Variants in PSMA2 observed in about 807,000 individuals in gnomAD.
PSMA2 encodes the protein proteasome subunit alpha type-2.
A neutral mutation model predicts 35.9 loss-of-function variants in PSMA2; 2 were observed. That is an observed-to-expected ratio of 0.06 (90% CI 0.02 to 0.18). PSMA2 has a LOEUF of 0.18. Among genes scored for constraint, PSMA2 ranks in the 10% least tolerant of loss-of-function variants. The probability of loss-of-function intolerance (pLI) is 1.00; values close to 1 mark genes in which losing one functional copy is unlikely to be tolerated. For synonymous variants in PSMA2, 97 were observed against 98.2 expected, an observed-to-expected ratio of 0.99 and a Z score of 0.07; for missense variants, 126 against 278.8, an observed-to-expected ratio of 0.45 and a Z score of 3.90.
At position 42,917,577 on chromosome 7, in the gene PSMA2, T is replaced by C. The variant is rs1230382993; in HGVS notation, c.702A>G (p.Ala234=). ...TEVKDYLAAI[A] Reference sequence around the variant, plus strand: ...GGATTTTTCAGTCACTTCATTGTTATGCTATGGCAGCCAAGTAATCCTTAA... The same window carrying C: ...GGATTTTTCAGTCACTTCATTGTTACGCTATGGCAGCCAAGTAATCCTTAA... The change falls in exon 8 of 8, where the codon GCA becomes GCG. Residue 234 remains alanine, a synonymous_variant. Transcript: ENST00000223321. 2.6e-5 allele frequency: 42 copies of C among 1,609,316 alleles called. No homozygotes were observed. The highest frequency in any genetic ancestry group is 3.4e-5 in the Non-Finnish European group (40 of 1,177,338).
intron 6 of PSMA2, chr7:42,919,659 C>T: frequency 1.8e-6 from 1 of 569,108 alleles, no homozygotes; most frequent in South Asian, 1.6e-5. Flanking sequence ...ATGGCTGATC[C>T]AGTGCTTTTG....
chr7:42,922,806 T>G (rs1786145829), intron 5 of PSMA2, among the ~76,000 whole-genome samples: 1 of 152,238 alleles, frequency 6.6e-6, no homozygotes, highest in Admixed American at 6.5e-5. Flanking sequence ...GGGACAGATG[T>G]GGAGTAGTAT....
chr7:42,930,581 T>C (rs896712492), intron 1 of PSMA2, among the ~76,000 whole-genome samples: 2 of 152,094 alleles, frequency 1.3e-5, no homozygotes, highest in Non-Finnish European at 2.9e-5. Flanking sequence ...GAAAATTTGT[T>C]ATAAAAAGAT....
intron 3 of PSMA2, 27 bp from the exon 4 acceptor site, chr7:42,924,824 T>C (rs757819854): frequency 1.1e-5 from 18 of 1,595,826 alleles, no homozygotes; most frequent in Non-Finnish European, 1.5e-5. Context: ...AAGATTTAAT[T>C]ACACAGAACA....
chr7:42,926,159 T>C (rs537800020), intron 3 of PSMA2, among the ~76,000 whole-genome samples: 28 of 152,360 alleles, frequency 1.8e-4, no homozygotes, highest in African/African-American at 6.3e-4. Flanking sequence ...TGTTGCCTCA[T>C]ACTTTTTAAA....
chr7:42,922,331 C>T (rs573153541), intron 5 of PSMA2, among the ~76,000 whole-genome samples: 5 of 151,948 alleles, frequency 3.3e-5, no homozygotes, highest in East Asian at 1.9e-4. Context: ...TAGACTGAAG[C>T]GATTTAAAAA....
In PSMA2 at chr7:42,925,287, T is replaced by C. The variant is rs79776993; in HGVS notation, c.252-490A>G. Among the ~76,000 whole-genome samples the C allele has an allele frequency of 5.9e-5, 9 of 152,302 alleles. No homozygotes were observed. The East Asian group carries it at 1.7e-3, about 29-fold the overall frequency. On this transcript the variant is annotated intron_variant, in intron 3 of 7. Coordinates refer to ENST00000223321, the MANE Select transcript of PSMA2 (RefSeq NM_002787.5). ...ACTACTTGTAACTAAAAATGTAAAA[T>C]TCGGCTAGGTGCAGTGTTTCACGCC... is the stretch of plus-strand genomic sequence containing the variant.
At chr7:42,919,093 GGATTACAGGCGT>G (rs1786084029) in intron 6 of PSMA2, 4 of 358,456 alleles carry the variant, frequency 1.1e-5, no homozygotes, top group Non-Finnish European at 2.2e-5. Flanking sequence ...CAAAGTGCTG[GGATTACAGGCGT>G]GAGCCACTGC....
intron 1 of PSMA2, among the ~76,000 whole-genome samples, chr7:42,930,242 CACACA>C: frequency 6.6e-6 from 1 of 151,002 alleles, no homozygotes; most frequent in South Asian, 2.1e-4. Flanking sequence ...CACACACACA[CACACA>C]CAAGTTTGGT....
chr7:42,923,655 A>C (rs183222046), intron 4 of PSMA2, among the ~76,000 whole-genome samples: 79 of 152,392 alleles, frequency 5.2e-4, no homozygotes, highest in Admixed American at 2.1e-3. Context: ...ACTGGGGTTA[A>C]TAAGTGTGTA....
chr7:42,921,712 A>G (rs986573549), intron 6 of PSMA2, 146 bp downstream of exon 6: 2 of 482,404 alleles, frequency 4.1e-6, no homozygotes, highest in Non-Finnish European at 7.3e-6. Context: ...TAGAAGGGAG[A>G]GAAGTTTTTG....
At chr7:42,931,937 C>T (rs112303332) in intron 1 of PSMA2, among the ~76,000 whole-genome samples, 181 bp downstream of exon 1, 199 of 152,248 alleles carry the variant, frequency 1.3e-3, no homozygotes, top group African/African-American at 4.6e-3. Flanking sequence ...AGCCTCCGAC[C>T]AAGGAAGCTC....
At position 42,921,803 on chromosome 7, in the gene PSMA2, C is replaced by T. The variant is rs948900801; in HGVS notation, c.530+55G>A. The T allele has an allele frequency of 4.2e-6, 6 of 1,442,736 alleles. No homozygotes were observed. In the African/African-American group the frequency reaches 8.5e-5, roughly 20 times the overall value. 89.4% of individuals were successfully genotyped at this position (1,442,736 alleles called of 1,614,324 possible). On this transcript the variant is annotated intron_variant, in intron 6 of 7. Coordinates refer to ENST00000223321, the MANE Select transcript of PSMA2 (RefSeq NM_002787.5). ...ATGATATTAATTTACTTAAAGAGCA[C>T]CAAAAACCATAAAGTGAGTTTGCTA... is the stretch of plus-strand genomic sequence containing the variant.
Position 42,921,940 on chromosome 7 carries a change from G to GA in PSMA2, c.457-10dup. On this transcript the variant is annotated splice_polypyrimidine_tract_variant and intron_variant, in intron 5 of 7. Coordinates refer to ENST00000223321, the MANE Select transcript of PSMA2 (RefSeq NM_002787.5). ...CAGGCAAAGTAAGCTCCCTAATCAG[G>GA]AAAGAAAGAGTAAAAAACCATATTT... 1.2e-6 allele frequency: 2 copies of GA among 1,602,826 alleles called. No homozygotes were observed. The highest frequency in any genetic ancestry group is 1.7e-6 in the Non-Finnish European group (2 of 1,172,376).
At chr7:42,926,397 GGCT>G (rs1786217895) in intron 3 of PSMA2, 136 bp downstream of exon 3, 8 of 980,898 alleles carry the variant, frequency 8.2e-6, no homozygotes, top group Non-Finnish European at 1.2e-5. Context: ...CTCTCAACGA[GGCT>G]GCTATTGCTA....
In PSMA2 at chr7:42,932,146, C is replaced by T; in HGVS notation, c.13G>A (p.Gly5Arg). 1.2e-6 allele frequency: 2 copies of T among 1,614,124 alleles called. No individual in the cohort carries two copies. The highest frequency in any genetic ancestry group is 8.5e-7 in the Non-Finnish European group (1 of 1,180,046). MAER[G>R]YSFSLTTFSP... ...AATGTAGTCAGCGAAAAGCTGTACC[C>T]GCGCTCCGCCATCTTTACCCGAAGA... The change falls in exon 1 of 8, where the codon GGG becomes AGG. Residue 5 changes from glycine to arginine, a missense_variant. Gly to Arg is a moderately radical substitution (Grantham distance 125). This residue lies in a region of PSMA2 where 78 missense variants were observed against 151.1 expected (regional missense o/e 0.52). Transcript: ENST00000223321.
chr7:42,926,947 A>T (rs1786226288), intron 2 of PSMA2, among the ~76,000 whole-genome samples: 1 of 152,232 alleles, frequency 6.6e-6, no homozygotes, highest in Non-Finnish European at 1.5e-5. Context: ...CACATGTTTT[A>T]AAATAAGGGA....
At position 42,917,063 on chromosome 7, in the gene PSMA2, T is replaced by C. The variant is rs1051120877; in HGVS notation, c.*511A>G. On this transcript the variant is annotated 3_prime_UTR_variant, in exon 8 of 8. Coordinates refer to ENST00000223321, the MANE Select transcript of PSMA2 (RefSeq NM_002787.5). Reference sequence around the variant, plus strand: ...GACCTATTTGGCTTACCACTCTTCATAGGCCTAGTACAATCTCATAGAGCA... The same window carrying C: ...GACCTATTTGGCTTACCACTCTTCACAGGCCTAGTACAATCTCATAGAGCA... 6 of 152,496 alleles carry C rather than the reference T, an allele frequency of 3.9e-5. No individual in the cohort carries two copies. Among genetic ancestry groups the C allele is most frequent in the Non-Finnish European group, 7.3e-5 (5 of 68,262 alleles). The allele number at this position is 152,496 out of a possible 1,614,324, so 9.4% of individuals were successfully genotyped here. A position where few individuals can be genotyped will look rare whatever the true frequency, so the allele number is the denominator to read the frequency against.
chr7:42,928,549 T>G (rs766298200), intron 1 of PSMA2, among the ~76,000 whole-genome samples: 19 of 152,254 alleles, frequency 1.2e-4, no homozygotes, highest in Non-Finnish European at 1.9e-4. Flanking sequence ...AAGTTATCCT[T>G]TATTTCAACC....
Sources: allele counts gnomAD v4.1 joint callset (sites outside exome capture counted in the v4.1 genomes callset), GRCh38; gene constraint gnomAD v4.1.1; regional missense constraint gnomAD v4.1.1; transcripts MANE v1.5; gene names NCBI Gene and HGNC (gene_info 2026-07-23, HGNC 2026-07-21).